Variants in FAM163A observed in about 807,000 individuals in gnomAD.
FAM163A encodes the protein family with sequence similarity 163 member A, also known as protein FAM163A.
Under a neutral mutation model 12.0 loss-of-function variants are expected in FAM163A, and 7 were observed. The ratio of observed to expected loss-of-function variants is 0.58; its 90% CI spans 0.33 to 1.10. FAM163A has a LOEUF of 1.10. Ranked by LOEUF, FAM163A falls within the 50% of genes least tolerant of loss-of-function variation. FAM163A has a pLI of 0.03. For synonymous variants in FAM163A, 101 were observed against 91.0 expected (o/e 1.11, Z -0.62); for missense variants, 202 against 218.6 (o/e 0.92, Z 0.48).
chr1:179,744,186 G>A (rs1380132177), intron 1 of FAM163A, among the ~76,000 whole-genome samples: 2 of 152,216 alleles, frequency 1.3e-5, no homozygotes, highest in African/African-American at 2.4e-5. Context: ...GGGGTAGGAC[G>A]GAGAAGCCGG....
chr1:179,805,087 T>C (rs1046839497), intron 1 of FAM163A, among the ~76,000 whole-genome samples: 1 of 152,218 alleles, frequency 6.6e-6, no homozygotes, highest in African/African-American at 2.4e-5. Flanking sequence ...CCCTTTACTT[T>C]AAAATGTATT....
rs1252498436 is a variant in FAM163A at position 179,815,429 on chromosome 1, T to C, written c.*1240T>C. 2 of 152,254 alleles carry C rather than the reference T, an allele frequency of 1.3e-5. No homozygotes were observed. Among genetic ancestry groups the C allele is most frequent in the African/African-American group, 2.4e-5 (1 of 41,436 alleles). The allele number at this position is 152,254 out of a possible 1,614,324, so 9.4% of individuals were successfully genotyped here. ...GTGACGCCGTGGAGCAGGATCTTCA[T>C]TCATCTCACCAGAGCAACAGCCCAG... On this transcript the variant is annotated 3_prime_UTR_variant, in exon 5 of 5. Transcript: ENST00000341785.
intron 1 of FAM163A, among the ~76,000 whole-genome samples, chr1:179,801,650 A>G (rs1219258874): frequency 2.0e-5 from 3 of 152,204 alleles, no homozygotes; most frequent in Non-Finnish European, 4.4e-5. Flanking sequence ...TCACCTAGGT[A>G]ATAAGTGCAG....
At chr1:179,774,170 C>T (rs148388388) in intron 1 of FAM163A, among the ~76,000 whole-genome samples, 52 of 152,348 alleles carry the variant, frequency 3.4e-4, no homozygotes, top group African/African-American at 9.9e-4. Flanking sequence ...AATTAAACCA[C>T]TTGTCAGGAG....
At chr1:179,788,089 A>G (rs1447164983) in intron 1 of FAM163A, among the ~76,000 whole-genome samples, 1 of 152,188 alleles carries the variant, frequency 6.6e-6, no homozygotes, top group Non-Finnish European at 1.5e-5. Context: ...TTTTCTCTAT[A>G]AAGGTAATTT....
intron 1 of FAM163A, among the ~76,000 whole-genome samples, chr1:179,797,805 T>C (rs1426202196): frequency 6.6e-6 from 1 of 152,188 alleles, no homozygotes; most frequent in Non-Finnish European, 1.5e-5. Context: ...GGCCAACTTC[T>C]AGAAGGTTTA....
chr1:179,801,581 G>A (rs565952096), intron 1 of FAM163A, among the ~76,000 whole-genome samples: 6 of 152,312 alleles, frequency 3.9e-5, no homozygotes, highest in Middle Eastern at 3.4e-3. Flanking sequence ...GTAGAGAAAG[G>A]TGTATTATTT....
At chr1:179,766,765 T>G (rs200952124) in intron 1 of FAM163A, among the ~76,000 whole-genome samples, 1 of 149,300 alleles carries the variant, frequency 6.7e-6, no homozygotes, top group African/African-American at 2.4e-5. Context: ...TTTTTTTTTT[T>G]CGGTTTGGAG....
At chr1:179,733,761 A>C in the FAM163A span, among the ~76,000 whole-genome samples, 1 of 152,148 alleles carries the variant, frequency 6.6e-6, no homozygotes, top group Admixed American at 6.6e-5. Flanking sequence ...ACATCCACAA[A>C]TTCACTCACC....
At chr1:179,735,653 G>A in the FAM163A span, among the ~76,000 whole-genome samples, 2 of 151,902 alleles carry the variant, frequency 1.3e-5, no homozygotes, top group South Asian at 2.1e-4. Context: ...ACAGGCGCCC[G>A]CCACCAAGCC....
chr1:179,787,531 G>A (rs1690817299), intron 1 of FAM163A, among the ~76,000 whole-genome samples: 1 of 152,168 alleles, frequency 6.6e-6, no homozygotes, highest in Non-Finnish European at 1.5e-5. Context: ...AAGATCTACA[G>A]CACCTGCTCC....
At chr1:179,771,288 C>A (rs1688247451) in intron 1 of FAM163A, among the ~76,000 whole-genome samples, 1 of 152,188 alleles carries the variant, frequency 6.6e-6, no homozygotes, top group Admixed American at 6.5e-5. Flanking sequence ...CAGCTCTGCA[C>A]CCACAGAGTC....
rs192013156 is a variant in FAM163A at position 179,815,999 on chromosome 1, G to T, written c.*1810G>T. 1 of 152,182 alleles carries T rather than the reference G, an allele frequency of 6.6e-6. No homozygotes were observed. Among genetic ancestry groups the T allele is most frequent in the Non-Finnish European group, 1.5e-5 (1 of 68,088 alleles). 9.4% of individuals were successfully genotyped at this position (152,182 alleles called of 1,614,324 possible). A position where few individuals can be genotyped will look rare whatever the true frequency, so the allele number is the denominator to read the frequency against. On this transcript the variant is annotated 3_prime_UTR_variant, in exon 5 of 5. Coordinates refer to ENST00000341785, the MANE Select transcript of FAM163A (RefSeq NM_173509.3). ...GAGACTCCATTTTCTCCAGGGAAAC[G>T]AGGCTTGCCCAGATAGACTAACAAC... is the stretch of plus-strand genomic sequence containing the variant.
intron 1 of FAM163A, among the ~76,000 whole-genome samples, chr1:179,754,863 G>A (rs569120722): frequency 7.4e-4 from 112 of 152,256 alleles, no homozygotes; most frequent in Middle Eastern, 6.8e-3. Context: ...TAGGCTGGGC[G>A]CCGTGGCTCA....
the FAM163A span, among the ~76,000 whole-genome samples, chr1:179,733,907 C>T: frequency 2.6e-5 from 4 of 152,188 alleles, no homozygotes; most frequent in Admixed American, 2.6e-4. Context: ...CCTTGTTCCT[C>T]CTATCCCAGG....
At chr1:179,734,906 T>C in the FAM163A span, among the ~76,000 whole-genome samples, 1 of 152,256 alleles carries the variant, frequency 6.6e-6, no homozygotes, top group African/African-American at 2.4e-5. Flanking sequence ...GCTGTTTCAA[T>C]TGGCCAGGGA....
chr1:179,794,410 C>T (rs1691971276), intron 1 of FAM163A, among the ~76,000 whole-genome samples: 1 of 152,174 alleles, frequency 6.6e-6, no homozygotes, highest in Admixed American at 6.5e-5. Context: ...ATTGAATAAT[C>T]ACCCTACTTA....
chr1:179,813,342 G>T (rs1694960592), intron 4 of FAM163A, 152 bp downstream of exon 4: 13 of 787,742 alleles, frequency 1.7e-5, no homozygotes, highest in Non-Finnish European at 2.7e-5. Flanking sequence ...TGGGAGTTGG[G>T]GCTGGTCGGA....
intron 1 of FAM163A, among the ~76,000 whole-genome samples, chr1:179,745,356 T>C (rs757869446): frequency 2.0e-5 from 3 of 152,170 alleles, no homozygotes; most frequent in Non-Finnish European, 2.9e-5. Context: ...TAGCTTGCCG[T>C]CTGTAACTGG....
Sources: gnomAD v4.1 joint callset for allele counts (sites outside exome capture counted in the v4.1 genomes callset) on GRCh38, gnomAD v4.1.1 for gene constraint, MANE v1.5 for transcripts, NCBI Gene and HGNC (gene_info 2026-07-23, HGNC 2026-07-21) for gene names.